The following NCOA1 variants were observed in gnomAD, a reference collection of about 807,000 sequenced individuals.
The protein encoded by NCOA1 is nuclear receptor coactivator 1, also known as Hin-2 protein.
A neutral mutation model predicts 150.9 loss-of-function variants in NCOA1; 35 were observed. That is an observed-to-expected ratio of 0.23 (90% confidence interval 0.18 to 0.31). The LOEUF (loss-of-function observed/expected upper bound fraction) is 0.31, where lower values mean the gene tolerates loss of function less well. NCOA1 is among the 10% of genes least tolerant of loss of function. The probability of loss-of-function intolerance (pLI) is 1.00; values close to 1 mark genes in which losing one functional copy is unlikely to be tolerated. For synonymous variants in NCOA1, 590 were observed against 630.0 expected (o/e 0.94, Z 0.95); for missense variants, 1,491 against 1,749.3 (o/e 0.85, Z 2.63).
chr2:24,583,271 A>G (rs1667273696), intron 2 of NCOA1, among the ~76,000 whole-genome samples: 1 of 152,196 alleles, frequency 6.6e-6, no homozygotes, highest in Non-Finnish European at 1.5e-5. Flanking sequence ...TCTCAAAAGG[A>G]ATATGCAAAA....
chr2:24,659,711 CA>C (rs897368783), intron 5 of NCOA1, among the ~76,000 whole-genome samples: 1 of 152,116 alleles, frequency 6.6e-6, no homozygotes, highest in African/African-American at 2.4e-5. Context: ...GAAAGTTTTT[CA>C]AACTCCACAC....
intron 3 of NCOA1, among the ~76,000 whole-genome samples, chr2:24,622,016 A>G (rs1188106928): frequency 1.3e-5 from 2 of 152,182 alleles, no homozygotes; most frequent in Non-Finnish European, 2.9e-5. Flanking sequence ...TGAGAGGAAA[A>G]TGCTCAGACA....
At chr2:24,604,227 A>C (rs146168268) in intron 3 of NCOA1, among the ~76,000 whole-genome samples, 1 of 152,156 alleles carries the variant, frequency 6.6e-6, no homozygotes, top group Non-Finnish European at 1.5e-5. Flanking sequence ...AGGCCAGGTA[A>C]ATTAAACGTA....
chr2:24,646,666 T>C (rs1352409365), intron 4 of NCOA1, among the ~76,000 whole-genome samples: 4 of 151,792 alleles, frequency 2.6e-5, no homozygotes, highest in Non-Finnish European at 5.9e-5. Flanking sequence ...AAGGCTGTGA[T>C]AGGGGATGGA....
intron 3 of NCOA1, among the ~76,000 whole-genome samples, chr2:24,641,371 TAAAAA>T (rs1426502200): frequency 8.6e-5 from 13 of 151,812 alleles, no homozygotes; most frequent in African/African-American, 3.1e-4. Context: ...TTTTAAAGAA[TAAAAA>T]GAATAAATAC....
chr2:24,635,950 C>T (rs1306106744), intron 3 of NCOA1, among the ~76,000 whole-genome samples: 2 of 152,048 alleles, frequency 1.3e-5, no homozygotes, highest in Non-Finnish European at 2.9e-5. Context: ...TTGATAGGAA[C>T]AATTCAATTT....
chr2:24,662,055 A>G (rs1001302270), intron 5 of NCOA1, among the ~76,000 whole-genome samples: 5 of 152,226 alleles, frequency 3.3e-5, no homozygotes, highest in African/African-American at 1.2e-4. Context: ...TAACAAAACA[A>G]TGTATTTGAT....
chr2:24,749,970 A>C (rs898169304), intron 19 of NCOA1, among the ~76,000 whole-genome samples: 41 of 152,162 alleles, frequency 2.7e-4, no homozygotes, highest in Admixed American at 2.3e-3. Flanking sequence ...GCCTAGAGCC[A>C]TGGAAGATAT....
At chr2:24,512,752 CAA>C (rs1406506600) in intron 1 of NCOA1, among the ~76,000 whole-genome samples, 1 of 152,168 alleles carries the variant, frequency 6.6e-6, no homozygotes, top group Admixed American at 6.5e-5. Flanking sequence ...CCCTCTCTAA[CAA>C]GAGTTTCTAA....
intron 7 of NCOA1, among the ~76,000 whole-genome samples, chr2:24,680,086 G>T (rs1168699002): frequency 6.6e-6 from 1 of 152,054 alleles, no homozygotes. Context: ...TCATATCTTG[G>T]CTATTGTGAA....
intron 11 of NCOA1, among the ~76,000 whole-genome samples, chr2:24,703,747 A>C (rs1294035714): frequency 6.6e-6 from 1 of 152,174 alleles, no homozygotes; most frequent in African/African-American, 2.4e-5. Context: ...AAAATAGAAC[A>C]TGTCTTGTTT....
At chr2:24,498,899 T>C (rs1025624275) in intron 1 of NCOA1, among the ~76,000 whole-genome samples, 12 of 152,230 alleles carry the variant, frequency 7.9e-5, no homozygotes, top group African/African-American at 2.7e-4. Context: ...CTTACCCACA[T>C]TGGGAACTTA....
chr2:24,668,944 AAC>A (rs1169976551), intron 6 of NCOA1, among the ~76,000 whole-genome samples: 1 of 152,230 alleles, frequency 6.6e-6, no homozygotes, highest in African/African-American at 2.4e-5. Context: ...TGTAAGTTAT[AAC>A]ACACACATCG....
intron 5 of NCOA1, among the ~76,000 whole-genome samples, chr2:24,664,657 G>A (rs900654099): frequency 6.6e-6 from 1 of 151,856 alleles, no homozygotes; most frequent in Non-Finnish European, 1.5e-5. Context: ...GCAGTGAGCC[G>A]AGATTGCGCC....
At position 24,741,765 on chromosome 2, in the gene NCOA1, G is replaced by GT. The variant is rs762398475; in HGVS notation, c.3304-13dup. 3.1e-6 allele frequency: 5 copies of GT among 1,593,748 alleles called. No individual in the cohort carries two copies. The highest frequency in any genetic ancestry group is 2.7e-5 in the African/African-American group (2 of 74,048). On this transcript the variant is annotated intron_variant, in intron 18 of 22. Transcript: ENST00000348332. ...TGATTATAATAATTTTAGTAAGTGAGTTTTTTCCTGCTTTTCAGCCACCCC... is the reference window on the plus strand; with the variant it reads ...TGATTATAATAATTTTAGTAAGTGAGTTTTTTTCCTGCTTTTCAGCCACCCC...
chr2:24,608,246 C>CTATTATTATTAATATTAT (rs1668458063), intron 3 of NCOA1, among the ~76,000 whole-genome samples: 1 of 131,884 alleles, frequency 7.6e-6, no homozygotes, highest in Non-Finnish European at 1.6e-5. Context: ...CCCAGTTCCC[C>CTATTATTATTAATATTAT]TATTATTATT....
At chr2:24,578,716 T>C (rs1667084088) in intron 2 of NCOA1, among the ~76,000 whole-genome samples, 3 of 152,166 alleles carry the variant, frequency 2.0e-5, no homozygotes, top group Admixed American at 2.0e-4. Flanking sequence ...AGTATGGTAG[T>C]ATATATCTTA....
At chr2:24,698,193 A>G (rs1672989520) in intron 11 of NCOA1, among the ~76,000 whole-genome samples, 1 of 151,026 alleles carries the variant, frequency 6.6e-6, no homozygotes, top group Non-Finnish European at 1.5e-5. Context: ...GATGTGGGGT[A>G]TGATAGAACC....
At chr2:24,687,564 T>A (rs1672464923) in intron 8 of NCOA1, among the ~76,000 whole-genome samples, 2 of 152,154 alleles carry the variant, frequency 1.3e-5, no homozygotes, top group Admixed American at 6.5e-5. Flanking sequence ...TCCACATGGC[T>A]GGGGAGGCCT....
Sources: gnomAD v4.1 joint callset for allele counts (sites outside exome capture counted in the v4.1 genomes callset) on GRCh38, gnomAD v4.1.1 for gene constraint, MANE v1.5 for transcripts, NCBI Gene and HGNC (gene_info 2026-07-23, HGNC 2026-07-21) for gene names.